Variants in ANKS1B observed in about 807,000 individuals in gnomAD.
The protein encoded by ANKS1B is ankyrin repeat and sterile alpha motif domain containing 1B, also known as ankyrin repeat and sterile alpha motif domain-containing protein 1B.
In ANKS1B, 36 loss-of-function variants were observed where a neutral mutation model predicts 148.3. The observed-to-expected ratio is 0.24, with a 90% CI of 0.19 to 0.32. The LOEUF (loss-of-function observed/expected upper bound fraction) is 0.32. ANKS1B is among the 10% of genes least tolerant of loss of function. The pLI is 1.00. For missense variants in ANKS1B, 1,157 were observed against 1,542.6 expected (o/e 0.75, Z 4.19); for synonymous variants, 542 against 560.8 (o/e 0.97, Z 0.47).
intron 12 of ANKS1B, among the ~76,000 whole-genome samples, chr12:99,371,619 T>C (rs2093140051): frequency 6.6e-6 from 1 of 152,072 alleles, no homozygotes; most frequent in Admixed American, 6.6e-5. Context: ...TTACTGGTTT[T>C]GTATCTCTGA....
chr12:99,890,291 C>G (rs998298445), intron 1 of ANKS1B, among the ~76,000 whole-genome samples: 1 of 151,952 alleles, frequency 6.6e-6, no homozygotes, highest in Admixed American at 6.6e-5. Flanking sequence ...GATTACCCTC[C>G]CTAATGTAGA....
Position 99,403,404 on chromosome 12 carries a change from A to C in ANKS1B, c.1576-3593T>G, listed in dbSNP as rs562511760. Among the ~76,000 whole-genome samples, 5 of 142,764 alleles carry C rather than the reference A, an allele frequency of 3.5e-5. No individual in the cohort carries two copies. The South Asian group carries it at 1.1e-3, about 30-fold the overall frequency. The allele number at this position is 142,764 out of a possible 152,430, so 93.7% of individuals were successfully genotyped here. A position where few individuals can be genotyped will look rare whatever the true frequency, so the allele number is the denominator to read the frequency against. ...ACTCCTGGCCTCAAGTGATCTGCCC[A>C]CCTCATCCTCCCAAAGTGCTGGGAT... On this transcript the variant is annotated intron_variant, in intron 11 of 26. Transcript: ENST00000683438.
At chr12:99,803,452 A>G (rs1267456542) in intron 4 of ANKS1B, among the ~76,000 whole-genome samples, 5 of 152,122 alleles carry the variant, frequency 3.3e-5, no homozygotes, top group Non-Finnish European at 7.4e-5. Flanking sequence ...GAATTCTTAG[A>G]ATGAGTGTCA....
At chr12:99,211,769 T>C (rs2083376931) in intron 14 of ANKS1B, among the ~76,000 whole-genome samples, 1 of 152,164 alleles carries the variant, frequency 6.6e-6, no homozygotes, top group South Asian at 2.1e-4. Context: ...CCCATTGAAG[T>C]GGTATTGAGC....
chr12:99,706,122 T>A (rs1267970785), intron 8 of ANKS1B, among the ~76,000 whole-genome samples: 5 of 150,878 alleles, frequency 3.3e-5, no homozygotes. Context: ...AAAACATGTG[T>A]GTGCTTGTGT....
At chr12:99,526,529 A>G (rs925540529) in intron 9 of ANKS1B, among the ~76,000 whole-genome samples, 1 of 152,190 alleles carries the variant, frequency 6.6e-6, no homozygotes, top group African/African-American at 2.4e-5. Flanking sequence ...GGTGTCATGC[A>G]TGAGAAAAAC....
chr12:99,647,331 A>G (rs2153429993), intron 9 of ANKS1B, among the ~76,000 whole-genome samples: 1 of 152,300 alleles, frequency 6.6e-6, no homozygotes, highest in East Asian at 1.9e-4. Flanking sequence ...GCAATCCCCT[A>G]TTGTAAGACA....
chr12:98,903,740 T>C (rs1395638171), intron 17 of ANKS1B, among the ~76,000 whole-genome samples: 1 of 152,226 alleles, frequency 6.6e-6, no homozygotes, highest in Non-Finnish European at 1.5e-5. Flanking sequence ...AGTGTCCTGA[T>C]TTCTTCAGCA....
intron 12 of ANKS1B, among the ~76,000 whole-genome samples, chr12:99,292,098 C>A (rs1024782082): frequency 6.6e-6 from 1 of 152,076 alleles, no homozygotes; most frequent in Non-Finnish European, 1.5e-5. Context: ...TAGGCATGGG[C>A]AAGGACTTCA....
At chr12:98,863,020 A>G (rs990260013) in intron 17 of ANKS1B, among the ~76,000 whole-genome samples, 1 of 152,082 alleles carries the variant, frequency 6.6e-6, no homozygotes, top group African/African-American at 2.4e-5. Context: ...TACAACAGGC[A>G]CTCTGTGTAA....
chr12:99,644,921 T>C (rs1200271165), intron 9 of ANKS1B, among the ~76,000 whole-genome samples: 1 of 152,114 alleles, frequency 6.6e-6, no homozygotes, highest in African/African-American at 2.4e-5. Context: ...ACTTCCATCA[T>C]CACATATCTT....
intron 1 of ANKS1B, among the ~76,000 whole-genome samples, chr12:99,964,404 C>T (rs1018118044): frequency 6.6e-6 from 1 of 152,192 alleles, no homozygotes; most frequent in Non-Finnish European, 1.5e-5. Context: ...TCCTCTTTTC[C>T]TTCCTTCTCA....
At chr12:99,338,208 T>C (rs770472706) in intron 12 of ANKS1B, among the ~76,000 whole-genome samples, 1 of 152,198 alleles carries the variant, frequency 6.6e-6, no homozygotes, top group Non-Finnish European at 1.5e-5. Flanking sequence ...CTTGGTACTA[T>C]TCTACTGCAG....
intron 17 of ANKS1B, among the ~76,000 whole-genome samples, chr12:98,978,456 G>A (rs917995224): frequency 6.6e-6 from 1 of 152,048 alleles, no homozygotes; most frequent in African/African-American, 2.4e-5. Flanking sequence ...ATTACGCTCT[G>A]GTCAATATGT....
intron 12 of ANKS1B, among the ~76,000 whole-genome samples, chr12:99,331,899 A>G (rs1222242947): frequency 6.6e-6 from 1 of 151,998 alleles, no homozygotes; most frequent in Non-Finnish European, 1.5e-5. Flanking sequence ...GAATAGAGGG[A>G]AAACCTGACT....
At chr12:99,749,739 A>G (rs2060931692) in intron 8 of ANKS1B, among the ~76,000 whole-genome samples, 1 of 152,170 alleles carries the variant, frequency 6.6e-6, no homozygotes, top group Non-Finnish European at 1.5e-5. Flanking sequence ...AAGGGAGTCA[A>G]TATAAACAAA....
At chr12:99,050,690 C>CTTTT (rs62812561) in intron 17 of ANKS1B, among the ~76,000 whole-genome samples, 9 of 113,552 alleles carry the variant, frequency 7.9e-5, no homozygotes, top group South Asian at 2.9e-4. Context: ...TTTTCTTTTT[C>CTTTT]TTTTTTTTTT....
At chr12:99,357,234 T>A (rs1227126797) in intron 12 of ANKS1B, among the ~76,000 whole-genome samples, 9 of 152,142 alleles carry the variant, frequency 5.9e-5, no homozygotes. Flanking sequence ...TTACTATAAG[T>A]TTTTGGAAAG....
chr12:99,690,661 T>C lies in ANKS1B; in HGVS notation c.1129-35451A>G, dbSNP rs189458008. On this transcript the variant is annotated intron_variant, in intron 8 of 26. Coordinates refer to ENST00000683438, the MANE Select transcript of ANKS1B (RefSeq NM_001352186.2). ...TGGGTCACACTGATGCAAGAGGTGGTCTCCCATGGCCTTAGGCAGCTCCAC... is the reference window on the plus strand; with the variant it reads ...TGGGTCACACTGATGCAAGAGGTGGCCTCCCATGGCCTTAGGCAGCTCCAC... Among the ~76,000 whole-genome samples, 24 of 152,266 alleles carry C rather than the reference T, an allele frequency of 1.6e-4. No individual in the cohort carries two copies. In the East Asian group the frequency reaches 4.6e-3, roughly 29 times the overall value.
Sources: gnomAD v4.1 joint callset for allele counts (sites outside exome capture counted in the v4.1 genomes callset) on GRCh38, gnomAD v4.1.1 for gene constraint, MANE v1.5 for transcripts, NCBI Gene and HGNC (gene_info 2026-07-23, HGNC 2026-07-21) for gene names.